Variants in ANKS1B observed in about 807,000 individuals in gnomAD.
ANKS1B encodes the protein ankyrin repeat and sterile alpha motif domain containing 1B, also known as ankyrin repeat and sterile alpha motif domain-containing protein 1B.
ANKS1B carries 36 observed loss-of-function variants against 148.3 expected under a neutral mutation model. The observed-to-expected ratio is 0.24, with a 90% CI of 0.19 to 0.32. ANKS1B has a LOEUF of 0.32. ANKS1B is among the 10% of genes least tolerant of loss of function. ANKS1B has a pLI of 1.00. For missense variants in ANKS1B, 1,157 were observed against 1,542.6 expected (o/e 0.75, Z 4.19); for synonymous variants, 542 against 560.8 (o/e 0.97, Z 0.47).
At chr12:98,932,286 T>C (rs551425310) in intron 17 of ANKS1B, among the ~76,000 whole-genome samples, 4 of 152,194 alleles carry the variant, frequency 2.6e-5, no homozygotes, top group Non-Finnish European at 5.9e-5. Context: ...TAGTCACTTG[T>C]ATAAGAAGAG....
In ANKS1B at chr12:99,714,337, T is replaced by G. The variant is rs117971555; in HGVS notation, c.1128+58585A>C. 2.9e-3 allele frequency among the ~76,000 whole-genome samples: 449 copies of G among 152,318 alleles called. 1 individual carries two copies. Among genetic ancestry groups the G allele is most frequent in the Non-Finnish European group, 4.9e-3 (331 of 68,024 alleles). The stretch of plus-strand genomic sequence containing the variant: ...TCAAGAACATTAACTTAATCACCTG[T>G]GAAGCCCTTTTTGCTATGTAGTCAT... On this transcript the variant is annotated intron_variant, in intron 8 of 26. Transcript: ENST00000683438.
chr12:99,702,568 C>A (rs141168603), intron 8 of ANKS1B, among the ~76,000 whole-genome samples: 1 of 151,814 alleles, frequency 6.6e-6, no homozygotes, highest in Non-Finnish European at 1.5e-5. Context: ...TTTGAGACAG[C>A]GTCTTGCTCT....
intron 1 of ANKS1B, among the ~76,000 whole-genome samples, chr12:99,874,654 T>C (rs1001720345): frequency 6.6e-6 from 1 of 152,200 alleles, no homozygotes; most frequent in African/African-American, 2.4e-5. Flanking sequence ...GACATACATA[T>C]GCTGCTATTA....
chr12:99,060,937 T>C (rs1458175260), intron 16 of ANKS1B, among the ~76,000 whole-genome samples: 2 of 152,166 alleles, frequency 1.3e-5, no homozygotes, highest in African/African-American at 4.8e-5. Context: ...GGACAACTTA[T>C]TAACCTAGAA....
At chr12:99,043,106 T>C (rs1205422609) in intron 17 of ANKS1B, among the ~76,000 whole-genome samples, 2 of 152,210 alleles carry the variant, frequency 1.3e-5, no homozygotes, top group African/African-American at 2.4e-5. Context: ...AAAATACTTA[T>C]ATTTTTATCC....
At chr12:99,820,423 T>C (rs1171605573) in intron 2 of ANKS1B, among the ~76,000 whole-genome samples, 1 of 151,918 alleles carries the variant, frequency 6.6e-6, no homozygotes, top group Admixed American at 6.6e-5. Flanking sequence ...AAGAATAAAC[T>C]ATATGATCCC....
At chr12:98,774,421 T>C (rs890821561) in intron 24 of ANKS1B, among the ~76,000 whole-genome samples, 11 of 152,250 alleles carry the variant, frequency 7.2e-5, no homozygotes, top group Admixed American at 5.9e-4. Context: ...TTAAGTACCA[T>C]TGTCCTGAAG....
intron 17 of ANKS1B, among the ~76,000 whole-genome samples, chr12:98,947,770 C>G (rs1358601845): frequency 6.6e-6 from 1 of 152,156 alleles, no homozygotes; most frequent in Non-Finnish European, 1.5e-5. Flanking sequence ...AACGCCATTG[C>G]CCTTTATCCT....
intron 8 of ANKS1B, among the ~76,000 whole-genome samples, chr12:99,769,720 G>T (rs1055646368): frequency 3.3e-5 from 5 of 152,074 alleles, no homozygotes; most frequent in African/African-American, 9.7e-5. Flanking sequence ...CTTTTCAAAG[G>T]GTTATTGTGA....
At chr12:99,864,354 A>ACCTT (rs2090455932) in intron 1 of ANKS1B, among the ~76,000 whole-genome samples, 1 of 152,204 alleles carries the variant, frequency 6.6e-6, no homozygotes, top group African/African-American at 2.4e-5. Flanking sequence ...AGCCATGAAA[A>ACCTT]TCAAAGGTTT....
At chr12:99,837,485 A>G (rs2085043107) in intron 1 of ANKS1B, among the ~76,000 whole-genome samples, 1 of 152,202 alleles carries the variant, frequency 6.6e-6, no homozygotes, top group African/African-American at 2.4e-5. Flanking sequence ...GAGAGCATGA[A>G]CAAAACATTG....
intron 14 of ANKS1B, among the ~76,000 whole-genome samples, chr12:99,240,945 G>C (rs541259196): frequency 8.5e-5 from 13 of 152,184 alleles, no homozygotes; most frequent in Non-Finnish European, 8.8e-5. Flanking sequence ...AGAGAAAGCA[G>C]GAAAGATCTA....
chr12:98,789,470 G>A (rs978501894), intron 22 of ANKS1B, among the ~76,000 whole-genome samples: 1 of 151,588 alleles, frequency 6.6e-6, no homozygotes, highest in Non-Finnish European at 1.5e-5. Flanking sequence ...TTAAGCACAT[G>A]CTCTTGAGAG....
intron 17 of ANKS1B, among the ~76,000 whole-genome samples, chr12:98,978,777 C>A (rs2099902822): frequency 6.6e-6 from 1 of 151,924 alleles, no homozygotes. Context: ...GACAAAAAAC[C>A]CCATGATATA....
At position 99,155,050 on chromosome 12, in the gene ANKS1B, G is replaced by A. The variant is rs573201101; in HGVS notation, c.2420-655C>T. ...GCAAGATTCAAAAGCAAACCAAAGT[G>A]CTTAAATCTGAATTGAATCTTCATA... On this transcript the variant is annotated intron_variant, in intron 14 of 26. Coordinates refer to ENST00000683438, the MANE Select transcript of ANKS1B (RefSeq NM_001352186.2). The A allele has an allele frequency of 1.6e-5, 24 of 1,534,984 alleles. No individual in the cohort carries two copies. The African/African-American group carries it at 2.7e-4, about 17-fold the overall frequency.
intron 1 of ANKS1B, among the ~76,000 whole-genome samples, chr12:99,914,705 C>T (rs1285188779): frequency 6.6e-6 from 1 of 151,976 alleles, no homozygotes; most frequent in Non-Finnish European, 1.5e-5. Context: ...GGTGGTGATG[C>T]ATGGGAGGGT....
At chr12:99,959,054 C>CTTTT (rs149006911) in intron 1 of ANKS1B, among the ~76,000 whole-genome samples, 3 of 121,004 alleles carry the variant, frequency 2.5e-5, no homozygotes, top group Non-Finnish European at 5.0e-5. Flanking sequence ...AAAGAACATG[C>CTTTT]TTTTTTTTTT....
At chr12:99,074,631 T>C (rs181069124) in intron 16 of ANKS1B, among the ~76,000 whole-genome samples, 3 of 152,300 alleles carry the variant, frequency 2.0e-5, no homozygotes, top group South Asian at 2.1e-4. Flanking sequence ...TCATCACTTG[T>C]AAACAGGAAG....
intron 2 of ANKS1B, among the ~76,000 whole-genome samples, chr12:99,812,550 CACACACACAGAGAGAGAG>C (rs1364044563): frequency 1.8e-4 from 17 of 95,694 alleles, no homozygotes; most frequent in East Asian, 1.7e-3. Context: ...CACACACACA[CACACACACAGAGAGAGAG>C]AGAGAGAGAA....
Sources: gnomAD v4.1 joint callset for allele counts (sites outside exome capture counted in the v4.1 genomes callset) on GRCh38, gnomAD v4.1.1 for gene constraint, MANE v1.5 for transcripts, NCBI Gene and HGNC (gene_info 2026-07-23, HGNC 2026-07-21) for gene names.